Variants in TBC1D5 observed in about 807,000 individuals in gnomAD.
The protein encoded by TBC1D5 is TBC1 domain family, member 5.
Under a neutral mutation model 100.3 loss-of-function variants are expected in TBC1D5, and 75 were observed. The ratio of observed to expected loss-of-function variants is 0.75; its 90% CI spans 0.62 to 0.91. TBC1D5 has a LOEUF of 0.91. TBC1D5 is among the 40% of genes least tolerant of loss of function. The pLI, the probability that TBC1D5 is intolerant of heterozygous loss-of-function variation, is 0.00. For missense variants in TBC1D5, 910 were observed against 942.4 expected (o/e 0.97, Z 0.45); for synonymous variants, 323 against 325.6 (o/e 0.99, Z 0.09).
chr3:17,677,878 C>T (rs2068856698), intron 1 of TBC1D5, among the ~76,000 whole-genome samples: 1 of 152,148 alleles, frequency 6.6e-6, no homozygotes, highest in South Asian at 2.1e-4. Context: ...CCATCATTCT[C>T]AGCAAACTAT....
At chr3:17,375,682 A>G (rs1195964848) in intron 10 of TBC1D5, among the ~76,000 whole-genome samples, 1 of 152,180 alleles carries the variant, frequency 6.6e-6, no homozygotes, top group Non-Finnish European at 1.5e-5. Context: ...TTAAAAAAAA[A>G]ACTCAGTAAA....
chr3:17,537,390 A>C (rs567135330), intron 2 of TBC1D5, among the ~76,000 whole-genome samples: 1 of 152,268 alleles, frequency 6.6e-6, no homozygotes, highest in African/African-American at 2.4e-5. Context: ...TAAACTCCAT[A>C]AGGGAGGAGG....
At position 17,661,216 on chromosome 3, in the gene TBC1D5, T is replaced by G. The variant is rs571610947; in HGVS notation, c.-100-37303A>C. Among the ~76,000 whole-genome samples the G allele has an allele frequency of 2.0e-5, 3 of 152,334 alleles. No individual in the cohort carries two copies. The East Asian group carries it at 5.8e-4, about 29-fold the overall frequency. On this transcript the variant is annotated intron_variant, in intron 1 of 21. Transcript: ENST00000253692. The stretch of plus-strand genomic sequence containing the variant: ...CACTCCGCTCAATCAGAAGCCAGAT[T>G]AAAGTCCCATCTGGAGTCTAATGGC...
intron 19 of TBC1D5, among the ~76,000 whole-genome samples, chr3:17,177,024 C>A (rs1228928743): frequency 6.6e-6 from 1 of 152,076 alleles, no homozygotes; most frequent in Non-Finnish European, 1.5e-5. Context: ...CTACATCCAG[C>A]AGTTAAAAGA....
intron 1 of TBC1D5, among the ~76,000 whole-genome samples, chr3:17,704,852 A>G (rs1193764607): frequency 2.1e-3 from 146 of 68,438 alleles, no homozygotes; most frequent in African/African-American, 2.8e-3. Context: ...CCTCCCGGAC[A>G]GGGCGGCTGG....
exon 22 of TBC1D5, chr3:17,157,797 A>T (rs1482190807): frequency 1.3e-5 from 2 of 152,244 alleles, no homozygotes; most frequent in Non-Finnish European, 2.9e-5. Context: ...ACAGAGTTTG[A>T]TATTTGTTCA....
At chr3:17,290,328 C>A (rs1432968635) in intron 15 of TBC1D5, among the ~76,000 whole-genome samples, 1 of 152,096 alleles carries the variant, frequency 6.6e-6, no homozygotes, top group African/African-American at 2.4e-5. Context: ...CATTTAGGTT[C>A]CACTAATAAA....
intron 13 of TBC1D5, among the ~76,000 whole-genome samples, chr3:17,354,893 C>T (rs190898720): frequency 1.2e-4 from 19 of 152,040 alleles, no homozygotes; most frequent in Admixed American, 5.9e-4. Flanking sequence ...AGAATGCACA[C>T]GGACAAATTC....
intron 14 of TBC1D5, among the ~76,000 whole-genome samples, chr3:17,294,926 C>G (rs1352066122): frequency 6.6e-6 from 1 of 152,148 alleles, no homozygotes; most frequent in African/African-American, 2.4e-5. Flanking sequence ...TAGTAAGGAT[C>G]TGACACAATA....
chr3:17,462,180 G>A (rs1292251762), intron 3 of TBC1D5, among the ~76,000 whole-genome samples: 1 of 151,730 alleles, frequency 6.6e-6, no homozygotes, highest in African/African-American at 2.4e-5. Flanking sequence ...TGAGTCTTTT[G>A]GTTTTTGTTT....
At chr3:17,242,534 T>C (rs978611501) in intron 16 of TBC1D5, among the ~76,000 whole-genome samples, 4 of 152,026 alleles carry the variant, frequency 2.6e-5, no homozygotes, top group Non-Finnish European at 5.9e-5. Flanking sequence ...GTTCATTCAT[T>C]CACTTATTCA....
chr3:17,335,112 G>A (rs951175542), intron 13 of TBC1D5, among the ~76,000 whole-genome samples: 2 of 152,038 alleles, frequency 1.3e-5, no homozygotes, highest in African/African-American at 4.8e-5. Context: ...TCTTGAAAAT[G>A]GCAAATATTA....
At chr3:17,621,347 G>C (rs909157919) in intron 2 of TBC1D5, among the ~76,000 whole-genome samples, 3 of 152,140 alleles carry the variant, frequency 2.0e-5, no homozygotes, top group Non-Finnish European at 4.4e-5. Context: ...ACACACTAGT[G>C]CCAAGATCTT....
intron 15 of TBC1D5, among the ~76,000 whole-genome samples, chr3:17,262,762 T>C (rs2078442287): frequency 6.6e-6 from 1 of 152,022 alleles, no homozygotes; most frequent in Non-Finnish European, 1.5e-5. Flanking sequence ...ATTACAGGCG[T>C]GAGCCACCAC....
At chr3:17,539,755 T>C (rs2096329639) in intron 2 of TBC1D5, among the ~76,000 whole-genome samples, 1 of 152,196 alleles carries the variant, frequency 6.6e-6, no homozygotes, top group Non-Finnish European at 1.5e-5. Flanking sequence ...CATTTTTAGT[T>C]TACAATTCCA....
intron 2 of TBC1D5, among the ~76,000 whole-genome samples, chr3:17,576,972 A>G (rs1322115155): frequency 6.6e-6 from 1 of 152,048 alleles, no homozygotes; most frequent in Admixed American, 6.6e-5. Flanking sequence ...AAAGACACAA[A>G]TTTCTCTGAA....
chr3:17,475,836 A>G (rs958639295), intron 3 of TBC1D5, among the ~76,000 whole-genome samples: 1 of 152,134 alleles, frequency 6.6e-6, no homozygotes, highest in Non-Finnish European at 1.5e-5. Flanking sequence ...TGTAATGCCA[A>G]GTTATTTCCA....
chr3:17,268,597 T>C (rs1575051859), intron 15 of TBC1D5, among the ~76,000 whole-genome samples: 1 of 152,144 alleles, frequency 6.6e-6, no homozygotes. Context: ...AAATAGTATT[T>C]CAAGATATCT....
rs191363333 is a variant in TBC1D5 at position 17,636,748 on chromosome 3, C to T, written c.-100-12835G>A. On this transcript the variant is annotated intron_variant, in intron 1 of 21. Transcript: ENST00000253692. ...CCCGGGAGGTGGAGCTTGCAGCAAG[C>T]CGAGATCATGCCACTGCACTCCAGC... 9.9e-4 allele frequency among the ~76,000 whole-genome samples: 150 copies of T among 151,924 alleles called. 2 individuals carry two copies. The South Asian group carries it at 0.018, about 18-fold the overall frequency.
Sources: allele counts gnomAD v4.1 joint callset (sites outside exome capture counted in the v4.1 genomes callset), GRCh38; gene constraint gnomAD v4.1.1; transcripts MANE v1.5; gene names NCBI Gene and HGNC (gene_info 2026-07-23, HGNC 2026-07-21).